The following DISC1 variants were observed in gnomAD, a reference collection of about 807,000 sequenced individuals.
The protein encoded by DISC1 is DISC1 scaffold protein.
Under a neutral mutation model 84.5 loss-of-function variants are expected in DISC1, and 57 were observed. That is an observed-to-expected ratio of 0.67 (90% CI 0.55 to 0.84). The LOEUF (loss-of-function observed/expected upper bound fraction) is 0.84, where lower values mean the gene tolerates loss of function less well. Ranked by LOEUF, DISC1 falls within the 40% of genes least tolerant of loss-of-function variation. The pLI is 0.00. For synonymous variants in DISC1, 411 were observed against 415.2 expected, an observed-to-expected ratio of 0.99 and a Z score of 0.12; for missense variants, 1,000 against 1,057.8, an observed-to-expected ratio of 0.95 and a Z score of 0.76.
chr1:231,937,205 T>C (rs2091034326), intron 9 of DISC1, among the ~76,000 whole-genome samples: 1 of 152,242 alleles, frequency 6.6e-6, no homozygotes, highest in African/African-American at 2.4e-5. Context: ...GTGCATTTTA[T>C]GATCTTGTTA....
intron 1 of DISC1, among the ~76,000 whole-genome samples, chr1:231,660,111 C>CT (rs1223005921): frequency 1.3e-5 from 2 of 151,952 alleles, no homozygotes; most frequent in Middle Eastern, 3.2e-3. Flanking sequence ...TCTAAGTAGT[C>CT]TAAGTGTGTC....
intron 9 of DISC1, among the ~76,000 whole-genome samples, chr1:231,878,505 A>G (rs953259238): frequency 6.6e-6 from 1 of 152,140 alleles, no homozygotes; most frequent in Non-Finnish European, 1.5e-5. Flanking sequence ...TGGGGAGCTG[A>G]GAGGGGTAGC....
intron 6 of DISC1, among the ~76,000 whole-genome samples, chr1:231,771,995 G>A (rs2076587376): frequency 6.7e-6 from 1 of 149,314 alleles, no homozygotes; most frequent in Admixed American, 6.7e-5. Context: ...TAAGTTTTTT[G>A]CAGAAATGGT....
intron 3 of DISC1, chr1:231,722,654 A>G: frequency 6.2e-7 from 1 of 1,613,118 alleles, no homozygotes; most frequent in Non-Finnish European, 8.5e-7. Context: ...CACACAGCGT[A>G]GATCATGACT....
At chr1:231,743,522 C>T (rs750375891) in intron 3 of DISC1, among the ~76,000 whole-genome samples, 7 of 152,078 alleles carry the variant, frequency 4.6e-5, no homozygotes, top group Non-Finnish European at 8.8e-5. Context: ...AACTTTATTG[C>T]GTTTCACCAA....
At chr1:231,705,181 G>A (rs956640416) in intron 3 of DISC1, among the ~76,000 whole-genome samples, 1 of 150,746 alleles carries the variant, frequency 6.6e-6, no homozygotes, top group East Asian at 2.0e-4. Context: ...CCAGCTACTC[G>A]GGAGGCTGAG....
intron 10 of DISC1, among the ~76,000 whole-genome samples, chr1:231,961,593 C>T (rs1365421269): frequency 6.6e-6 from 1 of 152,094 alleles, no homozygotes; most frequent in Non-Finnish European, 1.5e-5. Flanking sequence ...CATGAGTACC[C>T]AGTGTTTAGC....
At chr1:231,732,838 C>T (rs1056114520) in intron 3 of DISC1, among the ~76,000 whole-genome samples, 2 of 152,052 alleles carry the variant, frequency 1.3e-5, no homozygotes, top group African/African-American at 4.8e-5. Flanking sequence ...GGAGTGCTAG[C>T]GGAGGTGATA....
intron 1 of DISC1, among the ~76,000 whole-genome samples, chr1:231,690,076 G>A (rs1270576813): frequency 1.3e-5 from 2 of 152,194 alleles, no homozygotes; most frequent in African/African-American, 4.8e-5. Flanking sequence ...TCTAAGCTAG[G>A]TAAACATATA....
rs150323238 is a variant in DISC1, at chr1:232,039,580, G to A, written c.*2749G>A. ...GTATCATTCAGAAAGTCCGCTAAGG[G>A]CCAGCGTGCTTCTTCTGGCTACACA... is the stretch of plus-strand genomic sequence containing the variant. On this transcript the variant is annotated 3_prime_UTR_variant, in exon 13 of 13. Coordinates refer to ENST00000439617, the MANE Select transcript of DISC1 (RefSeq NM_018662.3). The A allele has an allele frequency of 1.4e-3, 217 of 152,118 alleles. 1 individual carries two copies. The highest frequency in any genetic ancestry group is 4.9e-3 in the African/African-American group (204 of 41,502). The allele number at this position is 152,118 out of a possible 1,614,324, so 9.4% of individuals were successfully genotyped here.
Position 231,917,578 on chromosome 1 carries a change from T to C in DISC1, c.1982-41250T>C, listed in dbSNP as rs533363587. 1.2e-4 allele frequency among the ~76,000 whole-genome samples: 18 copies of C among 152,316 alleles called. No homozygotes were observed. The East Asian group carries it at 3.1e-3, about 26-fold the overall frequency. ...GCTATGTTCACTTTCCAAGGCTACA[T>C]AGAACGAGTGAGCGCCAGGACTGAC... On this transcript the variant is annotated intron_variant, in intron 9 of 12. Transcript: ENST00000439617.
intron 1 of DISC1, among the ~76,000 whole-genome samples, chr1:231,644,509 G>C (rs183053959): frequency 9.8e-4 from 150 of 152,306 alleles, no homozygotes; most frequent in African/African-American, 3.5e-3. Flanking sequence ...TGAGGCCATT[G>C]CAAGCAGTTG....
intron 1 of DISC1, among the ~76,000 whole-genome samples, chr1:231,631,076 C>G (rs917903418): frequency 6.6e-6 from 1 of 152,138 alleles, no homozygotes; most frequent in Admixed American, 6.5e-5. Flanking sequence ...TCCAGTCACT[C>G]GGGTCACTCG....
chr1:231,756,516 CGAGAGA>C (rs60818301), intron 4 of DISC1, among the ~76,000 whole-genome samples: 41,290 of 132,978 alleles, frequency 0.31, 6,413 homozygotes, highest in Admixed American at 0.38. Flanking sequence ...ATGTGAATAT[CGAGAGA>C]GAGAGAGAGA....
intron 10 of DISC1, among the ~76,000 whole-genome samples, chr1:231,980,773 T>C (rs1301280555): frequency 6.6e-6 from 1 of 152,208 alleles, no homozygotes; most frequent in Non-Finnish European, 1.5e-5. Flanking sequence ...ACTGACACCA[T>C]TTAGCTAAAA....
intron 1 of DISC1, among the ~76,000 whole-genome samples, chr1:231,672,782 C>T (rs1258944021): frequency 6.6e-6 from 1 of 152,120 alleles, no homozygotes; most frequent in Non-Finnish European, 1.5e-5. Context: ...CCTTGTCTGC[C>T]TTGGCATTAT....
chr1:231,853,194 C>T (rs2084019364), intron 9 of DISC1, among the ~76,000 whole-genome samples: 1 of 152,110 alleles, frequency 6.6e-6, no homozygotes, highest in Non-Finnish European at 1.5e-5. Context: ...CTACCATTAT[C>T]CTTTAAAAAA....
At chr1:231,727,095 T>C (rs2070823649) in intron 3 of DISC1, among the ~76,000 whole-genome samples, 1 of 152,092 alleles carries the variant, frequency 6.6e-6, no homozygotes, top group Admixed American at 6.5e-5. Flanking sequence ...CTCCTGCTTG[T>C]CTTCAGGTGT....
chr1:231,909,857 T>G (rs1321603257), intron 9 of DISC1, among the ~76,000 whole-genome samples: 1 of 152,216 alleles, frequency 6.6e-6, no homozygotes, highest in Admixed American at 6.5e-5. Flanking sequence ...TTTCAGAGCC[T>G]GTTATTGGTC....
Sources: allele counts gnomAD v4.1 joint callset (sites outside exome capture counted in the v4.1 genomes callset), GRCh38; gene constraint gnomAD v4.1.1; transcripts MANE v1.5; gene names NCBI Gene and HGNC (gene_info 2026-07-23, HGNC 2026-07-21).